ARHGAP25: variants seen among roughly 807,000 people sequenced by gnomAD.
ARHGAP25 encodes the protein rho GTPase-activating protein 25.
Under a neutral mutation model 71.0 loss-of-function variants are expected in ARHGAP25, and 34 were observed. The observed-to-expected ratio is 0.48, with a 90% CI of 0.36 to 0.64. The LOEUF (loss-of-function observed/expected upper bound fraction) is 0.64. Among genes scored for constraint, ARHGAP25 ranks in the 30% least tolerant of loss-of-function variants. The pLI, the probability that ARHGAP25 is intolerant of heterozygous loss-of-function variation, is 0.00. For synonymous variants in ARHGAP25, 282 were observed against 296.5 expected (o/e 0.95, Z 0.50); for missense variants, 706 against 805.1 (o/e 0.88, Z 1.49).
chr2:68,785,206 A>G (rs1344380340), intron 3 of ARHGAP25, among the ~76,000 whole-genome samples: 1 of 152,336 alleles, frequency 6.6e-6, no homozygotes, highest in East Asian at 1.9e-4. Context: ...TGCTAGAAGG[A>G]TGGGGAGCCA....
At chr2:68,760,603 A>G (rs1291600005) in intron 1 of ARHGAP25, among the ~76,000 whole-genome samples, 2 of 152,066 alleles carry the variant, frequency 1.3e-5, no homozygotes, top group African/African-American at 4.8e-5. Context: ...AAAAGAATAA[A>G]TTAATTAGGA....
At chr2:68,789,178 G>A (rs1379893989) in intron 4 of ARHGAP25, among the ~76,000 whole-genome samples, 1 of 151,894 alleles carries the variant, frequency 6.6e-6, no homozygotes, top group Admixed American at 6.6e-5. Context: ...GACTACAGGC[G>A]CCTGCCACCA....
chr2:68,804,182 G>A (rs1268172245), intron 4 of ARHGAP25, among the ~76,000 whole-genome samples: 2 of 152,178 alleles, frequency 1.3e-5, no homozygotes, highest in Non-Finnish European at 2.9e-5. Flanking sequence ...AAGGAGCTTG[G>A]CCCCAAATCA....
In ARHGAP25 at chr2:68,815,643, A is replaced by G. The variant is rs145104343; in HGVS notation, c.808-646A>G. ...TGAATTGTGTACTCTCACAAGCACCATGTTGCAGATGGTGATTACAGACCC... is the reference window on the plus strand; with the variant it reads ...TGAATTGTGTACTCTCACAAGCACCGTGTTGCAGATGGTGATTACAGACCC... On this transcript the variant is annotated intron_variant, in intron 6 of 10. Transcript: ENST00000409202. Among the ~76,000 whole-genome samples, 1,380 of 152,050 alleles carry G rather than the reference A, an allele frequency of 9.1e-3. 8 individuals carry two copies. Among genetic ancestry groups the G allele is most frequent in the Non-Finnish European group, 0.014 (969 of 67,952 alleles).
chr2:68,779,363 A>G (rs11695006), intron 2 of ARHGAP25, among the ~76,000 whole-genome samples: 49,961 of 152,106 alleles, frequency 0.33, 8,718 homozygotes, highest in African/African-American at 0.42. Context: ...AAATAACCAC[A>G]ACAGCAGAAA....
intron 2 of ARHGAP25, among the ~76,000 whole-genome samples, chr2:68,720,523 T>G (rs1319880024): frequency 6.6e-6 from 1 of 152,174 alleles, no homozygotes; most frequent in Non-Finnish European, 1.5e-5. Flanking sequence ...TGCCTTTTCT[T>G]CACCTTCCTG....
intron 4 of ARHGAP25, among the ~76,000 whole-genome samples, chr2:68,792,453 T>C (rs1679249435): frequency 6.6e-6 from 1 of 152,200 alleles, no homozygotes; most frequent in Non-Finnish European, 1.5e-5. Context: ...AATTCCATAC[T>C]CTATGTCTGT....
At chr2:68,797,289 T>C (rs534951897) in intron 4 of ARHGAP25, among the ~76,000 whole-genome samples, 18 of 152,282 alleles carry the variant, frequency 1.2e-4, no homozygotes, top group Admixed American at 5.2e-4. Context: ...CCTGAAGTCT[T>C]AGGATAGGGA....
intron 1 of ARHGAP25, among the ~76,000 whole-genome samples, chr2:68,770,516 A>G (rs1047191040): frequency 6.6e-6 from 1 of 152,196 alleles, no homozygotes; most frequent in Non-Finnish European, 1.5e-5. Context: ...CAGCGGCAGA[A>G]GATGAAGAAA....
intron 1 of ARHGAP25, among the ~76,000 whole-genome samples, chr2:68,756,839 C>T (rs1261298204): frequency 1.3e-5 from 2 of 151,976 alleles, no homozygotes; most frequent in Admixed American, 1.3e-4. Context: ...TGATGAAGAC[C>T]TGATGGCACA....
At chr2:68,760,480 G>C (rs1676735411) in intron 1 of ARHGAP25, among the ~76,000 whole-genome samples, 1 of 151,922 alleles carries the variant, frequency 6.6e-6, no homozygotes, top group African/African-American at 2.4e-5. Flanking sequence ...AATAAACCCA[G>C]CAAAGTAGCA....
rs187179208 is a variant in ARHGAP25 at position 68,793,789 on chromosome 2, T to A, written c.466+5833T>A. ...TTTTGGTTAAATATAAATTTTAGGT[T>A]TTTTTTCTAGTTCTGTGAAGAAATG... On this transcript the variant is annotated intron_variant, in intron 4 of 10. Transcript: ENST00000409202. Among the ~76,000 whole-genome samples, 6 of 152,158 alleles carry A rather than the reference T, an allele frequency of 3.9e-5. No individual in the cohort carries two copies. In the South Asian group the frequency reaches 1.0e-3, roughly 26 times the overall value.
At chr2:68,762,465 T>C (rs1211090752) in intron 1 of ARHGAP25, among the ~76,000 whole-genome samples, 4 of 152,150 alleles carry the variant, frequency 2.6e-5, no homozygotes, top group Non-Finnish European at 5.9e-5. Flanking sequence ...CCAAGTCAAA[T>C]ATTACAACTC....
At chr2:68,714,376 T>C (rs958462136) in intron 2 of ARHGAP25, among the ~76,000 whole-genome samples, 9 of 152,310 alleles carry the variant, frequency 5.9e-5, no homozygotes, top group African/African-American at 2.2e-4. Flanking sequence ...TTTCTCTCTT[T>C]TCTTCTTTAT....
chr2:68,749,798 C>T (rs1011899537), intron 1 of ARHGAP25, among the ~76,000 whole-genome samples: 1 of 152,212 alleles, frequency 6.6e-6, no homozygotes, highest in African/African-American at 2.4e-5. Context: ...TCCCAAGTGA[C>T]TGGATATGCA....
At position 68,819,270 on chromosome 2, in the gene ARHGAP25, A is replaced by T. The variant is rs1383109843; in HGVS notation, c.1151A>T (p.Asp384Val). The T allele has an allele frequency of 1.9e-6, 3 of 1,614,130 alleles. No homozygotes were observed. In the East Asian group the frequency reaches 6.7e-5, roughly 36 times the overall value. ...GTGGCCCGAAGCTCTGTAGGCTGGGATGCCACTGAAGACCTCCGAATTTCT... is the reference window on the plus strand; with the variant it reads ...GTGGCCCGAAGCTCTGTAGGCTGGGTTGCCACTGAAGACCTCCGAATTTCT... ...APVARSSVGW[D>V]ATEDLRISRT... The change falls in exon 9 of 11, where the codon GAT (aspartate) becomes GTT (valine). Residue 384 changes from aspartate (D) to valine (V), a missense_variant. By Grantham distance (152) the Asp-to-Val change is radical (BLOSUM62 -3). Transcript: ENST00000409202.
intron 4 of ARHGAP25, among the ~76,000 whole-genome samples, chr2:68,798,217 G>T (rs1271131278): frequency 6.6e-6 from 1 of 152,126 alleles, no homozygotes. Context: ...ATTCTTTTAA[G>T]TTCTCTGCAC....
At chr2:68,823,005 A>C in intron 10 of ARHGAP25, 133 bp downstream of exon 10, 3 of 921,348 alleles carry the variant, frequency 3.3e-6, no homozygotes, top group Non-Finnish European at 4.7e-6. Context: ...TAGCAGGCCT[A>C]GAAAGAAAAG....
At chr2:68,741,030 A>AAAAT (rs1249458138) in intron 1 of ARHGAP25, among the ~76,000 whole-genome samples, 3 of 152,236 alleles carry the variant, frequency 2.0e-5, no homozygotes, top group Non-Finnish European at 4.4e-5. Context: ...TGAGAGGAAG[A>AAAAT]AAATATTTCA....
Sources: gnomAD v4.1 joint callset for allele counts (sites outside exome capture counted in the v4.1 genomes callset) on GRCh38, gnomAD v4.1.1 for gene constraint, MANE v1.5 for transcripts, NCBI Gene and HGNC (gene_info 2026-07-23, HGNC 2026-07-21) for gene names.